Variants in SPOCK1 observed in about 807,000 individuals in gnomAD.
SPOCK1 encodes the protein SPARC (osteonectin), cwcv and kazal like domains proteoglycan 1, also known as testican-1.
A neutral mutation model predicts 55.3 loss-of-function variants in SPOCK1; 23 were observed. The observed-to-expected ratio is 0.42, with a 90% CI of 0.30 to 0.59. The LOEUF (loss-of-function observed/expected upper bound fraction) is 0.59. Ranked by LOEUF, SPOCK1 falls within the 20% of genes least tolerant of loss-of-function variation. The pLI, the probability that SPOCK1 is intolerant of heterozygous loss-of-function variation, is 0.22. For synonymous variants in SPOCK1, 226 were observed against 221.0 expected, an observed-to-expected ratio of 1.02 and a Z score of -0.20; for missense variants, 499 against 552.5, an observed-to-expected ratio of 0.90 and a Z score of 0.97.
At chr5:137,378,010 T>C (rs1751364823) in intron 2 of SPOCK1, among the ~76,000 whole-genome samples, 1 of 138,572 alleles carries the variant, frequency 7.2e-6, no homozygotes, top group African/African-American at 2.7e-5. Context: ...AATGGTGCAA[T>C]GTTGGCTCAC....
At chr5:137,444,987 T>C (rs1753092507) in intron 2 of SPOCK1, among the ~76,000 whole-genome samples, 2 of 152,138 alleles carry the variant, frequency 1.3e-5, no homozygotes, top group Non-Finnish European at 2.9e-5. Context: ...TGTCCCTAGC[T>C]CAATCAACTG....
chr5:137,342,214 T>C (rs1750446833), intron 2 of SPOCK1, among the ~76,000 whole-genome samples: 2 of 152,352 alleles, frequency 1.3e-5, no homozygotes, highest in South Asian at 4.1e-4. Flanking sequence ...AGCCTCACCT[T>C]GGCCCTCCTT....
rs577030365 is a variant in SPOCK1 at position 137,145,935 on chromosome 5, A to G, written c.233-5241T>C. 1.0e-3 allele frequency among the ~76,000 whole-genome samples: 152 copies of G among 152,324 alleles called. 4 individuals are homozygous for G. The Middle Eastern group carries it at 0.024, about 24-fold the overall frequency. Reference sequence around the variant, plus strand: ...CAGCAGTTGGAGCAAGCCGGTGAGTAAAAAGGCTGGAGAAGAGGCTGAGCC... The same window carrying G: ...CAGCAGTTGGAGCAAGCCGGTGAGTGAAAAGGCTGGAGAAGAGGCTGAGCC... On this transcript the variant is annotated intron_variant, in intron 3 of 10. Coordinates refer to ENST00000394945, the MANE Select transcript of SPOCK1 (RefSeq NM_004598.4).
chr5:137,114,914 T>C (rs1753547846), intron 4 of SPOCK1, among the ~76,000 whole-genome samples: 1 of 152,132 alleles, frequency 6.6e-6, no homozygotes, highest in African/African-American at 2.4e-5. Context: ...GACATAACCA[T>C]GTAAAATGAT....
rs115824518 is a variant in SPOCK1 at position 137,333,218 on chromosome 5, G to A, written c.187-66163C>T. On this transcript the variant is annotated intron_variant, in intron 2 of 10. Coordinates refer to ENST00000394945, the MANE Select transcript of SPOCK1 (RefSeq NM_004598.4). ...GCTGTGTAGGACAATAATTTGAGAG[G>A]ACTAGGAAGCAACAGCTAGAAATAC... 5.1e-3 allele frequency among the ~76,000 whole-genome samples: 780 copies of A among 152,342 alleles called. 9 individuals carry two copies. Among genetic ancestry groups the A allele is most frequent in the African/African-American group, 0.014 (587 of 41,576 alleles).
At chr5:137,219,158 C>G (rs1447844744) in intron 3 of SPOCK1, among the ~76,000 whole-genome samples, 1 of 152,128 alleles carries the variant, frequency 6.6e-6, no homozygotes, top group Non-Finnish European at 1.5e-5. Context: ...TGTCTAGTAG[C>G]CTTTTACACA....
intron 6 of SPOCK1, among the ~76,000 whole-genome samples, chr5:137,019,260 A>C (rs2126979121): frequency 6.6e-6 from 1 of 152,264 alleles, no homozygotes; most frequent in Non-Finnish European, 1.5e-5. Context: ...AAAAAGTATA[A>C]AAATGAAAAT....
chr5:137,304,518 T>G (rs912603126), intron 2 of SPOCK1, among the ~76,000 whole-genome samples: 7 of 152,098 alleles, frequency 4.6e-5, no homozygotes, highest in African/African-American at 1.2e-4. Context: ...GCAGAGTGTG[T>G]GGGGCAGTCA....
At chr5:136,999,512 G>A (rs570894339) in intron 6 of SPOCK1, among the ~76,000 whole-genome samples, 2 of 152,212 alleles carry the variant, frequency 1.3e-5, no homozygotes, top group East Asian at 1.9e-4. Context: ...AAATCCAAGC[G>A]TCTTTGAAAA....
intron 4 of SPOCK1, among the ~76,000 whole-genome samples, chr5:137,135,614 G>A (rs556481449): frequency 3.3e-5 from 5 of 152,152 alleles, no homozygotes; most frequent in African/African-American, 4.8e-5. Context: ...CTTTATGATC[G>A]AGGCTTACAG....
chr5:137,454,466 G>A (rs1753322850), intron 2 of SPOCK1, among the ~76,000 whole-genome samples: 1 of 152,100 alleles, frequency 6.6e-6, no homozygotes, highest in Admixed American at 6.6e-5. Flanking sequence ...TAAAGGAAAG[G>A]CCATATTCCT....
intron 2 of SPOCK1, among the ~76,000 whole-genome samples, chr5:137,402,406 C>G (rs903331898): frequency 9.2e-5 from 14 of 152,206 alleles, no homozygotes; most frequent in African/African-American, 3.4e-4. Context: ...ATTTAGTCAG[C>G]ATTTTTAAAT....
chr5:137,280,907 C>A (rs1390236810), intron 2 of SPOCK1, among the ~76,000 whole-genome samples: 1 of 152,172 alleles, frequency 6.6e-6, no homozygotes, highest in Non-Finnish European at 1.5e-5. Context: ...AGGACAGACA[C>A]CTCCACCAAT....
At chr5:137,342,264 G>A (rs1750448330) in intron 2 of SPOCK1, among the ~76,000 whole-genome samples, 1 of 152,054 alleles carries the variant, frequency 6.6e-6, no homozygotes, top group African/African-American at 2.4e-5. Context: ...ATACAGAACT[G>A]CCAGGTTTCC....
chr5:137,065,689 G>C (rs1405552899), intron 6 of SPOCK1, among the ~76,000 whole-genome samples: 1 of 152,162 alleles, frequency 6.6e-6, no homozygotes, highest in Non-Finnish European at 1.5e-5. Flanking sequence ...ATATCACAGA[G>C]TGTTTTCTGT....
intron 3 of SPOCK1, among the ~76,000 whole-genome samples, chr5:137,158,703 G>A (rs1160284862): frequency 1.3e-5 from 2 of 151,904 alleles, no homozygotes; most frequent in African/African-American, 4.8e-5. Flanking sequence ...AGCTGGAAAG[G>A]GGGCAGTGGC....
intron 3 of SPOCK1, among the ~76,000 whole-genome samples, chr5:137,150,382 G>A (rs1290536875): frequency 6.6e-6 from 1 of 152,102 alleles, no homozygotes; most frequent in Non-Finnish European, 1.5e-5. Context: ...CCTCTCCTAA[G>A]TTTTGGGCAC....
chr5:137,367,997 T>C (rs1414651517), intron 2 of SPOCK1, among the ~76,000 whole-genome samples: 2 of 152,226 alleles, frequency 1.3e-5, no homozygotes, highest in Non-Finnish European at 2.9e-5. Context: ...CCACTTATAC[T>C]ATCCAACCGC....
chr5:137,056,233 G>A (rs1752295767), intron 6 of SPOCK1, among the ~76,000 whole-genome samples: 1 of 152,154 alleles, frequency 6.6e-6, no homozygotes, highest in South Asian at 2.1e-4. Flanking sequence ...TGGCAGGTGA[G>A]GGGACGCTGT....
Sources: gnomAD v4.1 joint callset for allele counts (sites outside exome capture counted in the v4.1 genomes callset) on GRCh38, gnomAD v4.1.1 for gene constraint, MANE v1.5 for transcripts, NCBI Gene and HGNC (gene_info 2026-07-23, HGNC 2026-07-21) for gene names.